Variants in DNAJC6 observed in about 807,000 individuals in gnomAD.
The protein encoded by DNAJC6 is DnaJ heat shock protein family (Hsp40) member C6, also known as auxilin.
Under a neutral mutation model 110.0 loss-of-function variants are expected in DNAJC6, and 34 were observed. That is an observed-to-expected ratio of 0.31 (90% CI 0.24 to 0.41). The LOEUF (loss-of-function observed/expected upper bound fraction) is 0.41. DNAJC6 is among the 10% of genes least tolerant of loss of function. The pLI is 1.00. For missense variants in DNAJC6, 1,031 were observed against 1,207.8 expected (o/e 0.85, Z 2.17); for synonymous variants, 406 against 437.2 (o/e 0.93, Z 0.89).
intron 4 of DNAJC6, among the ~76,000 whole-genome samples, chr1:65,377,783 A>C (rs926679396): frequency 2.7e-4 from 41 of 152,224 alleles, no homozygotes; most frequent in African/African-American, 9.9e-4. Context: ...GATTACCAGA[A>C]AAGGGCTAAT....
rs574442620 is a variant in DNAJC6, at chr1:65,388,374, T to C, written c.1152T>C (p.Thr384=). The change falls in exon 9 of 19, where the codon ACT becomes ACC. Residue 384 remains threonine (T), a synonymous_variant. Coordinates refer to ENST00000371069, the MANE Select transcript of DNAJC6 (RefSeq NM_001256864.2). ...AGATATTCCAGCTTCAGTTTCACAC[T>C]GGATTCATACCACTGGACACAACAG... ...NTQIFQLQFH[T]GFIPLDTTVL... The C allele has an allele frequency of 1.2e-6, 2 of 1,614,170 alleles. No individual in the cohort carries two copies. The highest frequency in any genetic ancestry group is 1.3e-5 in the African/African-American group (1 of 75,062).
At chr1:65,278,403 C>T (rs1653742644) in intron 1 of DNAJC6, among the ~76,000 whole-genome samples, 1 of 152,124 alleles carries the variant, frequency 6.6e-6, no homozygotes, top group South Asian at 2.1e-4. Context: ...CACATTTCTC[C>T]AAATTTTCTT....
At position 65,392,595 on chromosome 1, in the gene DNAJC6, C is replaced by G. The variant is rs559983926; in HGVS notation, c.1633C>G (p.Pro545Ala). Residue 545 changes from proline (P) to alanine (A), a missense_variant, in exon 12 of 19, where the codon CCA (proline) becomes GCA (alanine). Coordinates refer to ENST00000371069, the MANE Select transcript of DNAJC6 (RefSeq NM_001256864.2). Reference sequence around the variant, plus strand: ...GAAGCCCAGCAAAAAGCAGCAGGAGCCAGCAGCCCCTCCACCCCCTGAGGA... The same window carrying G: ...GAAGCCCAGCAAAAAGCAGCAGGAGGCAGCAGCCCCTCCACCCCCTGAGGA... ...VKKPSKKQQE[P>A]AAPPPPEDVD... 1.2e-6 allele frequency: 2 copies of G among 1,614,104 alleles called. No individual in the cohort carries two copies. The highest frequency in any genetic ancestry group is 2.7e-5 in the African/African-American group (2 of 75,054).
chr1:65,318,988 T>C (rs1413116141), intron 1 of DNAJC6, among the ~76,000 whole-genome samples: 3 of 151,966 alleles, frequency 2.0e-5, no homozygotes, highest in African/African-American at 4.8e-5. Flanking sequence ...AACAATCAAA[T>C]TGCAGTTTAG....
At chr1:65,385,927 T>A in intron 7 of DNAJC6, 21 bp downstream of exon 7, 7 of 1,574,396 alleles carry the variant, frequency 4.4e-6, no homozygotes, top group Non-Finnish European at 6.1e-6. Context: ...ATACTTTACT[T>A]CTTCCTATGT....
chr1:65,310,016 C>A, intron 1 of DNAJC6, 78 bp downstream of exon 1: 1 of 1,366,970 alleles, frequency 7.3e-7, no homozygotes, highest in Non-Finnish European at 9.4e-7. Flanking sequence ...CCCGAGGCCC[C>A]CCCGTGGTCC....
chr1:65,365,525 T>C (rs529679020), intron 2 of DNAJC6, among the ~76,000 whole-genome samples: 57 of 152,318 alleles, frequency 3.7e-4, no homozygotes, highest in Non-Finnish European at 4.6e-4. Flanking sequence ...TCTCAACCAC[T>C]TCTTCCCCTA....
At chr1:65,368,785 C>T (rs1645677508) in intron 4 of DNAJC6, among the ~76,000 whole-genome samples, 1 of 139,984 alleles carries the variant, frequency 7.1e-6, no homozygotes, top group African/African-American at 2.7e-5. Flanking sequence ...CTTCCCTTCC[C>T]TTCCCTTCCA....
chr1:65,335,452 A>G (rs1484122808), intron 1 of DNAJC6, among the ~76,000 whole-genome samples: 1 of 152,060 alleles, frequency 6.6e-6, no homozygotes, highest in Non-Finnish European at 1.5e-5. Context: ...TGTAGTAGAT[A>G]GAGACAGAAA....
chr1:65,278,807 TCAGG>T (rs1210792697), intron 1 of DNAJC6, among the ~76,000 whole-genome samples: 1 of 152,176 alleles, frequency 6.6e-6, no homozygotes, highest in Non-Finnish European at 1.5e-5. Context: ...GGACTTGTAC[TCAGG>T]CCTTCTGACT....
At chr1:65,341,923 TC>T (rs1557530979) in intron 1 of DNAJC6, among the ~76,000 whole-genome samples, 2 of 152,158 alleles carry the variant, frequency 1.3e-5, no homozygotes, top group Admixed American at 6.5e-5. Flanking sequence ...AGTTTTCCAC[TC>T]CTGCCTGTTC....
intron 16 of DNAJC6, among the ~76,000 whole-genome samples, chr1:65,406,621 G>C (rs1309058129): frequency 6.6e-6 from 1 of 152,188 alleles, no homozygotes; most frequent in Non-Finnish European, 1.5e-5. Flanking sequence ...TGGACTGCAT[G>C]TGTCTTGGAA....
upstream of DNAJC6, among the ~76,000 whole-genome samples, chr1:65,309,283 C>T (rs1332260835): frequency 2.0e-5 from 3 of 150,748 alleles, no homozygotes. Context: ...CCCTTCAACC[C>T]CCCTCCTCAC....
chr1:65,348,947 TATATATATAA>T (rs546993968), intron 1 of DNAJC6, among the ~76,000 whole-genome samples: 234 of 146,040 alleles, frequency 1.6e-3, no homozygotes, highest in African/African-American at 5.0e-3. Flanking sequence ...TGCATGTGTG[TATATATATAA>T]ATATATATAA....
At chr1:65,272,077 GATCTCTCTTATAATGT>G (rs1653524429) in intron 1 of DNAJC6, among the ~76,000 whole-genome samples, 1 of 151,958 alleles carries the variant, frequency 6.6e-6, no homozygotes, top group East Asian at 1.9e-4. Flanking sequence ...CACTAGCTAG[GATCTCTCTTATAATGT>G]TGAATAGAAG....
intron 1 of DNAJC6, among the ~76,000 whole-genome samples, chr1:65,267,621 GCTCA>G (rs1264333119): frequency 1.3e-5 from 2 of 151,784 alleles, no homozygotes; most frequent in Non-Finnish European, 2.9e-5. Flanking sequence ...ATAAATCATA[GCTCA>G]GTAATGGTTT....
intron 1 of DNAJC6, among the ~76,000 whole-genome samples, chr1:65,317,859 A>G (rs1255211938): frequency 6.6e-6 from 1 of 152,254 alleles, no homozygotes; most frequent in Non-Finnish European, 1.5e-5. Flanking sequence ...TTAACCAGGA[A>G]GACTAAAGAA....
chr1:65,411,488 T>C (rs1362564370), intron 18 of DNAJC6, 62 bp downstream of exon 18: 2 of 1,505,700 alleles, frequency 1.3e-6, no homozygotes, highest in East Asian at 2.3e-5. Context: ...CTTATGAGTA[T>C]GTGTTTTACT....
chr1:65,346,676 G>T (rs561880505), intron 1 of DNAJC6, among the ~76,000 whole-genome samples: 1 of 152,092 alleles, frequency 6.6e-6, no homozygotes, highest in South Asian at 2.1e-4. Flanking sequence ...TTCAGTGCTG[G>T]GTAAGCCTAG....
Sources: allele counts gnomAD v4.1 joint callset (sites outside exome capture counted in the v4.1 genomes callset), GRCh38; gene constraint gnomAD v4.1.1; transcripts MANE v1.5; gene names NCBI Gene and HGNC (gene_info 2026-07-23, HGNC 2026-07-21).